The following CLDN14 variants were observed in gnomAD, a reference collection of about 807,000 sequenced individuals.
CLDN14 encodes the protein claudin-14.
In CLDN14, 2 loss-of-function variants were observed where a neutral mutation model predicts 2.1. The observed-to-expected ratio is 0.96, with a 90% CI of 0.39 to 3.01. The LOEUF is 3.01. Among genes scored for constraint, CLDN14 ranks in the 30% most tolerant of loss-of-function variants. The pLI, the probability that CLDN14 is intolerant of heterozygous loss-of-function variation, is 0.09. For missense variants in CLDN14, 298 were observed against 328.0 expected (o/e 0.91, Z 0.71); for synonymous variants, 136 against 154.4 (o/e 0.88, Z 0.88).
At chr21:36,538,562 C>T (rs1004998472) in intron 1 of CLDN14, among the ~76,000 whole-genome samples, 5 of 151,952 alleles carry the variant, frequency 3.3e-5, no homozygotes, top group South Asian at 2.1e-4. Context: ...TGCAGTGAGC[C>T]GAGATCGCAC....
rs76914324 is a variant in CLDN14 at position 36,524,826 on chromosome 21, C to A, written c.-219-14326G>T. Among the ~76,000 whole-genome samples, 783 of 152,266 alleles carry A rather than the reference C, an allele frequency of 5.1e-3. 4 individuals carry two copies. The highest frequency in any genetic ancestry group is 7.7e-3 in the Non-Finnish European group (522 of 68,008). On this transcript the variant is annotated intron_variant, in intron 1 of 2. Coordinates refer to the CLDN14 transcript ENST00000342108. ...TGCCGGGCTGTGACTCACGGAGGGACGGGCCCTGCACCCAGGTGACATCAG... is the reference window on the plus strand; with the variant it reads ...TGCCGGGCTGTGACTCACGGAGGGAAGGGCCCTGCACCCAGGTGACATCAG...
intron 1 of CLDN14, among the ~76,000 whole-genome samples, chr21:36,563,553 G>A (rs1320922336): frequency 1.3e-5 from 2 of 152,306 alleles, no homozygotes; most frequent in East Asian, 3.9e-4. Flanking sequence ...AGTCTTATGA[G>A]CCATAGGGCC....
intron 1 of CLDN14, among the ~76,000 whole-genome samples, chr21:36,568,396 C>T (rs947573894): frequency 6.6e-5 from 10 of 152,180 alleles, no homozygotes; most frequent in African/African-American, 1.7e-4. Context: ...TAAGGAGGCA[C>T]GAAGTCCCAG....
In CLDN14 at chr21:36,460,779, T is replaced by C; in HGVS notation, c.*197A>G. The C allele has an allele frequency of 1.7e-6, 1 of 604,702 alleles. No individual in the cohort carries two copies. Among genetic ancestry groups the C allele is most frequent in the Non-Finnish European group, 2.9e-6 (1 of 350,238 alleles). The allele number at this position is 604,702 out of a possible 1,614,324, so 37.5% of individuals were successfully genotyped here. A position where few individuals can be genotyped will look rare whatever the true frequency, so the allele number is the denominator to read the frequency against. ...AGACAGGATTTTTTTTTTCAGTCTT[T>C]GGTATAGAGAGCTTTCTCCTCCTCT... On this transcript the variant is annotated 3_prime_UTR_variant, in exon 2 of 2. Coordinates refer to ENST00000399135, the MANE Select transcript of CLDN14 (RefSeq NM_001146079.2). This position sits in a 1 kb window ranked among gnomAD's most constrained non-coding sequence, Gnocchi z 4.0.
intron 1 of CLDN14, among the ~76,000 whole-genome samples, chr21:36,562,141 T>C (rs577966917): frequency 2.0e-5 from 3 of 152,224 alleles, no homozygotes; most frequent in Non-Finnish European, 4.4e-5. Context: ...TGTGTATTCA[T>C]AGGGGTAATG....
chr21:36,469,412 C>G (rs1194186179), intron 1 of CLDN14, among the ~76,000 whole-genome samples: 1 of 152,128 alleles, frequency 6.6e-6, no homozygotes, highest in Non-Finnish European at 1.5e-5. Context: ...GTCTTTGATG[C>G]ACTCTTTCCA....
At chr21:36,477,004 A>T (rs2086787608) in intron 1 of CLDN14, among the ~76,000 whole-genome samples, 1 of 152,350 alleles carries the variant, frequency 6.6e-6, no homozygotes, top group Non-Finnish European at 1.5e-5. Context: ...CAGATTGTGC[A>T]TTTGCTCTGA....
At chr21:36,472,408 A>T (rs1363035012) in intron 1 of CLDN14, among the ~76,000 whole-genome samples, 1 of 152,196 alleles carries the variant, frequency 6.6e-6, no homozygotes, top group Non-Finnish European at 1.5e-5. Context: ...AGAGGGTTGG[A>T]GATCTGGGTT....
chr21:36,545,674 G>A (rs553571133), intron 1 of CLDN14, among the ~76,000 whole-genome samples: 2 of 152,102 alleles, frequency 1.3e-5, no homozygotes, highest in Non-Finnish European at 2.9e-5. Context: ...CCCCCACTCT[G>A]TATTTGACCA....
At chr21:36,512,284 G>A (rs1245034135) in intron 1 of CLDN14, among the ~76,000 whole-genome samples, 1 of 152,152 alleles carries the variant, frequency 6.6e-6, no homozygotes, top group Non-Finnish European at 1.5e-5. Context: ...ATAGACTGTG[G>A]TGCTGTGTCC....
intron 2 of CLDN14, among the ~76,000 whole-genome samples, chr21:36,505,650 A>G (rs775286857): frequency 4.6e-5 from 7 of 152,240 alleles, no homozygotes; most frequent in South Asian, 4.1e-4. Context: ...CGCCTGCCCA[A>G]TGTAGACAAT....
chr21:36,518,650 G>A (rs1237112419), intron 1 of CLDN14, among the ~76,000 whole-genome samples: 1 of 147,146 alleles, frequency 6.8e-6, no homozygotes, highest in Non-Finnish European at 1.5e-5. Flanking sequence ...TCTGCATATA[G>A]GACTCTAATT....
chr21:36,500,071 G>A (rs1223910646), intron 2 of CLDN14, among the ~76,000 whole-genome samples: 2 of 152,150 alleles, frequency 1.3e-5, no homozygotes, highest in Non-Finnish European at 1.5e-5. Flanking sequence ...CTCAGGCAAG[G>A]TTTTCAATGT....
At chr21:36,514,625 G>C (rs1470896530) in intron 1 of CLDN14, among the ~76,000 whole-genome samples, 1 of 9,494 alleles carries the variant, frequency 1.1e-4, no homozygotes, top group Non-Finnish European at 3.5e-4. Context: ...GAGAGAAAGT[G>C]TGTGTGTGTG....
At chr21:36,537,625 C>CAATTTAT (rs55688906) in intron 1 of CLDN14, among the ~76,000 whole-genome samples, 1 of 150,786 alleles carries the variant, frequency 6.6e-6, no homozygotes, top group Non-Finnish European at 1.5e-5. Flanking sequence ...TTACAATTTA[C>CAATTTAT]CTTCTTTTTT....
chr21:36,490,992 C>T (rs1373010460), intron 2 of CLDN14, among the ~76,000 whole-genome samples: 2 of 148,260 alleles, frequency 1.3e-5, no homozygotes, highest in Non-Finnish European at 3.0e-5. Flanking sequence ...ACACACACCC[C>T]TGGACACACA....
intron 1 of CLDN14, among the ~76,000 whole-genome samples, chr21:36,539,920 C>G (rs1162548423): frequency 3.3e-5 from 4 of 119,518 alleles, no homozygotes; most frequent in African/African-American, 1.3e-4. Flanking sequence ...TGGAGTGTGT[C>G]TGTGGAGTGT....
intron 1 of CLDN14, among the ~76,000 whole-genome samples, chr21:36,512,270 A>G (rs980800217): frequency 2.0e-5 from 3 of 152,166 alleles, no homozygotes; most frequent in Non-Finnish European, 2.9e-5. Flanking sequence ...AGAGTGACAA[A>G]CTGATAGACT....
At chr21:36,543,051 C>A (rs977282866) in intron 1 of CLDN14, among the ~76,000 whole-genome samples, 4 of 152,226 alleles carry the variant, frequency 2.6e-5, no homozygotes, top group Non-Finnish European at 4.4e-5. Flanking sequence ...TCCCTTCCAC[C>A]TGGCCGGAGG....
Sources: gnomAD v4.1 joint callset for allele counts (sites outside exome capture counted in the v4.1 genomes callset) on GRCh38, gnomAD v4.1.1 for gene constraint, Gnocchi (gnomAD v3.1) non-coding constraint, MANE v1.5 for transcripts, NCBI Gene and HGNC (gene_info 2026-07-23, HGNC 2026-07-21) for gene names.